AMELX: variants seen among roughly 807,000 people sequenced by gnomAD.
The protein encoded by AMELX is amelogenin, X isoform.
A neutral mutation model predicts 15.8 loss-of-function variants in AMELX; 9 were observed. That is an observed-to-expected ratio of 0.57 (90% confidence interval 0.34 to 0.99). AMELX has a LOEUF of 0.99. Among genes scored for constraint, AMELX ranks in the 50% least tolerant of loss-of-function variants. The pLI is 0.02. For missense variants in AMELX, 107 were observed against 156.2 expected, an observed-to-expected ratio of 0.68 and a Z score of 1.68; for synonymous variants, 61 against 58.8, an observed-to-expected ratio of 1.04 and a Z score of -0.17.
intron 2 of AMELX, among the ~76,000 whole-genome samples, chrX:11,296,572 A>C (rs763334097): frequency 2.7e-5 from 3 of 112,065 alleles, no homozygotes; most frequent in Non-Finnish European, 5.6e-5. Context: ...CTTTAAAATA[A>C]AAGGTCTCCT....
At chrX:11,300,949 AAAAC>A (rs1183580088), downstream of AMELX, among the ~76,000 whole-genome samples, 3 of 112,231 alleles carry the variant, frequency 2.7e-5, no homozygotes, top group Admixed American at 2.8e-4. Flanking sequence ...TCTTTTTTAA[AAAAC>A]AAAGTTTATA....
chrX:11,303,940 T>A (rs1456761661), downstream of AMELX, among the ~76,000 whole-genome samples: 5 of 112,186 alleles, frequency 4.5e-5, no homozygotes, highest in Non-Finnish European at 9.4e-5. Flanking sequence ...GCTCAATAAA[T>A]GTTAGCTACA....
At chrX:11,295,654 T>C (rs779934052) in intron 2 of AMELX, among the ~76,000 whole-genome samples, 1 of 111,368 alleles carries the variant, frequency 9.0e-6, no homozygotes, top group South Asian at 3.8e-4. Flanking sequence ...ACCAAGATTC[T>C]GTGCTCTGAC....
Position 11,296,814 on chromosome X carries a change from C to G in AMELX, c.90C>G (p.Asn30Lys). 1 of 1,211,003 alleles carries G rather than the reference C, an allele frequency of 8.3e-7. No individual in the cohort carries two copies. Among genetic ancestry groups the G allele is most frequent in the East Asian group, 3.0e-5 (1 of 33,828 alleles). Residue 30 changes from asparagine to lysine, a missense_variant, in exon 3 of 6, where the codon AAC becomes AAG. By Grantham distance (94) the Asn-to-Lys change is moderately conservative. Transcript: ENST00000380714. ...PPHPGHPGYI[N>K]FSYEVLTPLK... ...ATCCTGGGCACCCTGGTTATATCAA[C>G]TTCAGCTATGAGGTAATTTTTCTCT...
rs755797941 is a variant in AMELX, at chrX:11,298,721, A to G, written c.318A>G (p.Gln106=). ...PQQPMMPVPG[Q]HSMTPIQHHQ... ...AACCAATGATGCCCGTTCCTGGCCA[A>G]CACTCCATGACTCCAATCCAACACC... The change falls in exon 5 of 6, where the codon CAA becomes CAG. Residue 106 remains glutamine, a synonymous_variant. Coordinates refer to ENST00000380714, the MANE Select transcript of AMELX (RefSeq NM_001142.2). 1.7e-6 allele frequency: 2 copies of G among 1,210,826 alleles called. No homozygotes were observed. Among genetic ancestry groups the G allele is most frequent in the Non-Finnish European group, 2.2e-6 (2 of 895,270 alleles).
downstream of AMELX, among the ~76,000 whole-genome samples, chrX:11,302,151 C>T (rs2048182063): frequency 8.9e-6 from 1 of 112,048 alleles, no homozygotes; most frequent in African/African-American, 3.2e-5. Context: ...AAATTCAATT[C>T]CTCCGTCATA....
At position 11,300,632 on chromosome X, in the gene AMELX, G is replaced by A. The variant is rs867629707; in HGVS notation, c.*20G>A. 8.4e-7 allele frequency: 1 copy of A among 1,191,563 alleles called. No homozygotes were observed. The highest frequency in any genetic ancestry group is 3.0e-5 in the East Asian group (1 of 33,560). Reference sequence around the variant, plus strand: ...GATTAAAAGATCAGAAGATGAGAGGGGAATGAATACTTCAGATGCTTTCAG... The same window carrying A: ...GATTAAAAGATCAGAAGATGAGAGGAGAATGAATACTTCAGATGCTTTCAG... On this transcript the variant is annotated 3_prime_UTR_variant, in exon 6 of 6. Coordinates refer to ENST00000380714, the MANE Select transcript of AMELX (RefSeq NM_001142.2).
chrX:11,306,497 T>C, the AMELX span, among the ~76,000 whole-genome samples: 4 of 112,606 alleles, frequency 3.6e-5, no homozygotes, highest in South Asian at 7.3e-4. Context: ...TTATTATATT[T>C]CAGGCACTAT....
At chrX:11,294,533 A>G (rs1195027306) in intron 1 of AMELX, among the ~76,000 whole-genome samples, 1 of 112,022 alleles carries the variant, frequency 8.9e-6, no homozygotes, top group Non-Finnish European at 1.9e-5. Context: ...TAGATCATTC[A>G]TGTCCCTGTA....
intron 2 of AMELX, among the ~76,000 whole-genome samples, chrX:11,295,391 C>T (rs1010818397): frequency 1.1e-4 from 12 of 111,297 alleles, no homozygotes; most frequent in Admixed American, 4.8e-4. Flanking sequence ...CTGATGAGTA[C>T]GTGACTTTTT....
At chrX:11,295,219 A>C (rs1045634640) in intron 2 of AMELX, among the ~76,000 whole-genome samples, 1 of 111,487 alleles carries the variant, frequency 9.0e-6, no homozygotes, top group Non-Finnish European at 1.9e-5. Context: ...TATTACAGAG[A>C]TGCCAGTTTT....
chrX:11,297,975 A>G, intron 3 of AMELX: 1 of 673,197 alleles, frequency 1.5e-6, no homozygotes, highest in Non-Finnish European at 2.4e-6. Context: ...TTATCTAAAA[A>G]GTGAGAGTAA....
chrX:11,306,418 T>C, the AMELX span, among the ~76,000 whole-genome samples: 6 of 112,843 alleles, frequency 5.3e-5, no homozygotes, highest in South Asian at 3.6e-4. Context: ...GAGCCATCAT[T>C]AGCATTAAAC....
downstream of AMELX, among the ~76,000 whole-genome samples, chrX:11,305,015 T>C (rs951882473): frequency 4.6e-5 from 5 of 109,540 alleles, no homozygotes; most frequent in African/African-American, 1.3e-4. Flanking sequence ...CTCAATCTCC[T>C]GACCTCCTGA....
chrX:11,299,273 A>C (rs1282599110), intron 5 of AMELX, among the ~76,000 whole-genome samples: 1 of 112,072 alleles, frequency 8.9e-6, no homozygotes, highest in Non-Finnish European at 1.9e-5. Context: ...AAACCCCATG[A>C]ATTTTAAGGG....
At chrX:11,301,277 T>C (rs2048172374), downstream of AMELX, among the ~76,000 whole-genome samples, 1 of 112,378 alleles carries the variant, frequency 8.9e-6, no homozygotes, top group African/African-American at 3.2e-5. Context: ...AAAAATGTTA[T>C]CAATGGAGCT....
At position 11,300,710 on chromosome X, in the gene AMELX, T is replaced by C; in HGVS notation, c.*98T>C. 1 of 823,378 alleles carries C rather than the reference T, an allele frequency of 1.2e-6. No homozygotes were observed. The highest frequency in any genetic ancestry group is 2.4e-5 in the Admixed American group (1 of 41,978). 67.9% of individuals were successfully genotyped at this position (823,378 alleles called of 1,213,427 possible). Reference sequence around the variant, plus strand: ...GCTTATAATCACTTTACTTAGCAAATTCTGTAACTAAAAAAGTACCATTAG... The same window carrying C: ...GCTTATAATCACTTTACTTAGCAAACTCTGTAACTAAAAAAGTACCATTAG... On this transcript the variant is annotated 3_prime_UTR_variant, in exon 6 of 6. Coordinates refer to ENST00000380714, the MANE Select transcript of AMELX (RefSeq NM_001142.2).
chrX:11,295,554 C>T (rs1001358097), intron 2 of AMELX, among the ~76,000 whole-genome samples: 3 of 111,651 alleles, frequency 2.7e-5, no homozygotes, highest in Middle Eastern at 4.6e-3. Context: ...CAGGCTGCAT[C>T]TGCTTTTTGG....
the AMELX span, among the ~76,000 whole-genome samples, chrX:11,307,808 T>G: frequency 6.3e-5 from 7 of 111,878 alleles, no homozygotes; most frequent in African/African-American, 2.3e-4. Context: ...TGAAAAAATG[T>G]TCCCGATAAA....
Sources: gnomAD v4.1 joint callset for allele counts (sites outside exome capture counted in the v4.1 genomes callset) on GRCh38, gnomAD v4.1.1 for gene constraint, MANE v1.5 for transcripts, NCBI Gene and HGNC (gene_info 2026-07-23, HGNC 2026-07-21) for gene names.